CFAP47: variants seen among roughly 807,000 people sequenced by gnomAD.
The protein encoded by CFAP47 is cilia and flagella associated protein 47.
CFAP47 carries 29 observed loss-of-function variants against 148.1 expected under a neutral mutation model. The observed-to-expected ratio is 0.20, with a 90% CI of 0.15 to 0.27. CFAP47 has a LOEUF of 0.27. Among genes scored for constraint, CFAP47 ranks in the 10% least tolerant of loss-of-function variants. CFAP47 has a pLI of 1.00. For missense variants in CFAP47, 1,872 were observed against 1,697.5 expected (o/e 1.10, Z -1.81); for synonymous variants, 664 against 577.3 (o/e 1.15, Z -2.15).
At chrX:36,269,013 T>C (rs1940927814) in intron 49 of CFAP47, among the ~76,000 whole-genome samples, 1 of 112,033 alleles carries the variant, frequency 8.9e-6, no homozygotes, top group African/African-American at 3.2e-5. Context: ...GGCTCTTAAA[T>C]CTTTTAAAAT....
intron 30 of CFAP47, among the ~76,000 whole-genome samples, chrX:36,094,489 A>G (rs747313965): frequency 1.1e-3 from 126 of 111,246 alleles, no homozygotes; most frequent in Middle Eastern, 9.5e-3. Flanking sequence ...AATAATGATA[A>G]TTCCAATTCA....
chrX:36,082,482 A>G (rs1938001372), intron 29 of CFAP47, among the ~76,000 whole-genome samples: 1 of 112,067 alleles, frequency 8.9e-6, no homozygotes, highest in Non-Finnish European at 1.9e-5. Flanking sequence ...AATTGTAGAA[A>G]TAACATTTTC....
chrX:36,290,085 C>T (rs996573143), intron 51 of CFAP47, among the ~76,000 whole-genome samples: 6 of 110,344 alleles, frequency 5.4e-5, no homozygotes, highest in Admixed American at 2.0e-4. Context: ...CCCTCGCCCC[C>T]GCACCTTAGT....
intron 1 of CFAP47, among the ~76,000 whole-genome samples, chrX:35,923,934 T>C (rs1455135354): frequency 1.5e-5 from 1 of 68,377 alleles, no homozygotes; most frequent in Non-Finnish European, 2.4e-5. Context: ...TATATATGTG[T>C]ATATATGTAC....
chrX:36,353,370 T>C (rs1193898950), intron 59 of CFAP47, among the ~76,000 whole-genome samples, 159 bp from the exon 60 acceptor site: 2 of 111,805 alleles, frequency 1.8e-5, no homozygotes, highest in African/African-American at 6.5e-5. Flanking sequence ...AGATATTGCA[T>C]GAATGTGTGT....
rs997273237 is a variant in CFAP47, at chrX:35,920,538, A to T, written c.249+490A>T. ...AATAGACATGAGGAATACGGAATGGACACAGCCCTGCCCTCATAGAACTTA... is the reference window on the plus strand; with the variant it reads ...AATAGACATGAGGAATACGGAATGGTCACAGCCCTGCCCTCATAGAACTTA... On this transcript the variant is annotated intron_variant, in intron 1 of 63. Transcript: ENST00000378653. Among the ~76,000 whole-genome samples the T allele has an allele frequency of 4.5e-5, 5 of 111,937 alleles. No homozygotes were observed. In the Admixed American group the frequency reaches 4.8e-4, roughly 11 times the overall value.
chrX:36,259,025 T>C (rs782488620), intron 49 of CFAP47, among the ~76,000 whole-genome samples: 9 of 111,678 alleles, frequency 8.1e-5, no homozygotes, highest in African/African-American at 2.9e-4. Context: ...GAAATATAGA[T>C]AATATTTAGA....
chrX:36,216,512 T>C (rs1209709682), intron 45 of CFAP47, among the ~76,000 whole-genome samples: 1 of 111,900 alleles, frequency 8.9e-6, no homozygotes, highest in African/African-American at 3.2e-5. Flanking sequence ...TCTCCTTGCC[T>C]GCTGCCTAGA....
At chrX:35,930,053 C>G (rs1373743804) in intron 2 of CFAP47, among the ~76,000 whole-genome samples, 1 of 111,271 alleles carries the variant, frequency 9.0e-6, no homozygotes, top group African/African-American at 3.3e-5. Flanking sequence ...CCTTTCCTGA[C>G]GATTTTAGCT....
At chrX:36,129,581 C>T (rs1196676184) in intron 33 of CFAP47, among the ~76,000 whole-genome samples, 1 of 111,270 alleles carries the variant, frequency 9.0e-6, no homozygotes, top group Non-Finnish European at 1.9e-5. Context: ...TACCTCATTG[C>T]ATTTCAGAAG....
intron 50 of CFAP47, among the ~76,000 whole-genome samples, chrX:36,282,829 A>C (rs1307813003): frequency 8.9e-6 from 1 of 112,132 alleles, no homozygotes; most frequent in African/African-American, 3.2e-5. Context: ...CATTTATAGT[A>C]TATTTAAACT....
intron 37 of CFAP47, among the ~76,000 whole-genome samples, chrX:36,153,121 C>T (rs937577525): frequency 9.0e-6 from 1 of 111,233 alleles, no homozygotes; most frequent in African/African-American, 3.3e-5. Flanking sequence ...ATGATTCTTC[C>T]TAAGGCAAAT....
At chrX:36,120,233 C>T (rs1938718884) in intron 33 of CFAP47, among the ~76,000 whole-genome samples, 1 of 108,949 alleles carries the variant, frequency 9.2e-6, no homozygotes, top group Non-Finnish European at 1.9e-5. Flanking sequence ...TGGTCTCAAT[C>T]TCCTGACCTC....
At chrX:36,251,231 G>A in intron 48 of CFAP47, 102 bp from the exon 49 acceptor site, 1 of 285,946 alleles carries the variant, frequency 3.5e-6, no homozygotes, top group Non-Finnish European at 6.2e-6. Flanking sequence ...TTAAATTTCA[G>A]TTTGTTCTAT....
chrX:36,261,673 C>T (rs1398225085), intron 49 of CFAP47, among the ~76,000 whole-genome samples: 1 of 110,829 alleles, frequency 9.0e-6, no homozygotes, highest in African/African-American at 3.3e-5. Flanking sequence ...CATCCCAAGG[C>T]AGAAGAATTT....
At chrX:35,931,935 G>A (rs888079554) in intron 2 of CFAP47, among the ~76,000 whole-genome samples, 1 of 110,312 alleles carries the variant, frequency 9.1e-6, no homozygotes, top group African/African-American at 3.3e-5. Context: ...ATTGTATGTA[G>A]CTAGTGCTTT....
At chrX:36,124,009 C>T (rs1227430361) in intron 33 of CFAP47, among the ~76,000 whole-genome samples, 3 of 111,330 alleles carry the variant, frequency 2.7e-5, no homozygotes, top group African/African-American at 9.8e-5. Context: ...GTTGATGAAT[C>T]CTGCTAAGTC....
intron 42 of CFAP47, among the ~76,000 whole-genome samples, chrX:36,191,907 T>C (rs1939869854): frequency 9.0e-6 from 1 of 110,670 alleles, no homozygotes; most frequent in Non-Finnish European, 1.9e-5. Flanking sequence ...TGCTTGAACC[T>C]GGAAGGTGGA....
chrX:35,956,281 G>A, intron 8 of CFAP47, 85 bp downstream of exon 8: 2 of 703,745 alleles, frequency 2.8e-6, no homozygotes, highest in Non-Finnish European at 4.3e-6. Flanking sequence ...GAAACAACAT[G>A]TGTTCTACCA....
Sources: allele counts gnomAD v4.1 joint callset (sites outside exome capture counted in the v4.1 genomes callset), GRCh38; gene constraint gnomAD v4.1.1; transcripts MANE v1.5; gene names NCBI Gene and HGNC (gene_info 2026-07-23, HGNC 2026-07-21).